The following ADAMTSL1 variants were observed in gnomAD, a reference collection of about 807,000 sequenced individuals.
ADAMTSL1 encodes ADAMTS-like protein 1.
In ADAMTSL1, 126 loss-of-function variants were observed where a neutral mutation model predicts 201.8. The observed-to-expected ratio is 0.62, with a 90% confidence interval of 0.54 to 0.72. The LOEUF is 0.72. Ranked by LOEUF, ADAMTSL1 falls within the 30% of genes least tolerant of loss-of-function variation. ADAMTSL1 has a pLI of 0.00. For missense variants in ADAMTSL1, 2,679 were observed against 2,277.8 expected, an observed-to-expected ratio of 1.18 and a Z score of -3.59; for synonymous variants, 1,121 against 903.4, an observed-to-expected ratio of 1.24 and a Z score of -4.32.
intron 1 of ADAMTSL1, among the ~76,000 whole-genome samples, chr9:17,908,341 C>T (rs1423592208): frequency 6.6e-6 from 1 of 152,192 alleles, no homozygotes; most frequent in Non-Finnish European, 1.5e-5. Flanking sequence ...AGCTGGATTA[C>T]ATCAGAATCC....
intron 23 of ADAMTSL1, among the ~76,000 whole-genome samples, chr9:18,860,133 AT>A (rs977131268): frequency 3.9e-5 from 6 of 152,228 alleles, no homozygotes; most frequent in African/African-American, 1.4e-4. Flanking sequence ...ATGAACATGC[AT>A]TGGTATTTTT....
chr9:18,339,617 T>C (rs1477517951), intron 2 of ADAMTSL1, among the ~76,000 whole-genome samples: 9 of 152,100 alleles, frequency 5.9e-5, no homozygotes, highest in Admixed American at 2.6e-4. Flanking sequence ...CATACCCAAA[T>C]GAATATTTTT....
At chr9:18,399,286 T>TATATATATATATATATATAC (rs1817874349) in intron 2 of ADAMTSL1, among the ~76,000 whole-genome samples, 3 of 62,572 alleles carry the variant, frequency 4.8e-5, no homozygotes, top group Non-Finnish European at 9.2e-5. Flanking sequence ...TTTACATATA[T>TATATATATATATATATATAC]ATATATATAT....
chr9:18,111,081 T>C (rs1247944076), intron 1 of ADAMTSL1, among the ~76,000 whole-genome samples: 1 of 152,146 alleles, frequency 6.6e-6, no homozygotes, highest in African/African-American at 2.4e-5. Flanking sequence ...GAAATGTGTT[T>C]CCTTAAACTT....
intron 7 of ADAMTSL1, among the ~76,000 whole-genome samples, chr9:18,641,492 C>G (rs1827433863): frequency 6.6e-6 from 1 of 152,074 alleles, no homozygotes; most frequent in Non-Finnish European, 1.5e-5. Context: ...GAAGCCAGCA[C>G]TGAAAATCAC....
rs191231421 is a variant in ADAMTSL1, at chr9:18,277,535, T to C, written c.207+113554T>C. Among the ~76,000 whole-genome samples the C allele has an allele frequency of 3.3e-3, 503 of 152,274 alleles. 3 individuals carry two copies. The highest frequency in any genetic ancestry group is 0.011 in the African/African-American group (457 of 41,578). On this transcript the variant is annotated intron_variant, in intron 2 of 29. Coordinates refer to the ADAMTSL1 transcript ENST00000680146. ...TTTATCATTATATAATGACCTTCTA[T>C]GTTGTTTGTGATAGTTTTTAACTTA...
rs1039846976 is a variant in ADAMTSL1, at chr9:17,960,665, C to A, written c.87+53743C>A. Among the ~76,000 whole-genome samples the A allele has an allele frequency of 5.3e-5, 8 of 152,160 alleles. No homozygotes were observed. The South Asian group carries it at 8.3e-4, about 16-fold the overall frequency. On this transcript the variant is annotated intron_variant, in intron 1 of 29. Transcript: ENST00000680146. ...TGTCTTTTTCCTTAATGTCTAATAGCCCAGTGGGCAAGAAAGATGTTCTTT... is the reference window on the plus strand; with the variant it reads ...TGTCTTTTTCCTTAATGTCTAATAGACCAGTGGGCAAGAAAGATGTTCTTT...
intron 23 of ADAMTSL1, among the ~76,000 whole-genome samples, chr9:18,846,627 A>G (rs1826134491): frequency 6.6e-6 from 1 of 152,176 alleles, no homozygotes; most frequent in Admixed American, 6.5e-5. Context: ...CGTTTTTAAA[A>G]GCTTATTCTG....
intron 2 of ADAMTSL1, among the ~76,000 whole-genome samples, chr9:18,221,192 T>A (rs1181764252): frequency 6.6e-6 from 1 of 152,176 alleles, no homozygotes; most frequent in Non-Finnish European, 1.5e-5. Context: ...CACTGTTTAG[T>A]TTTTTGGTTT....
chr9:18,646,957 A>C (rs1187030625), intron 7 of ADAMTSL1, among the ~76,000 whole-genome samples: 2 of 152,172 alleles, frequency 1.3e-5, no homozygotes, highest in African/African-American at 2.4e-5. Context: ...TAGTTTCAGA[A>C]GGAATGGTAC....
In ADAMTSL1 at chr9:18,574,115, G is replaced by T; in HGVS notation, c.323G>T (p.Trp108Leu). ...DVKHHGQFYE[W>L]LPVSNDPDNP... ...AAGCACCATGGCCAGTTTTATGAAT[G>T]GCTTCCTGTGTCTAATGACCCTGAC... Residue 108 changes from tryptophan (W) to leucine (L), a missense_variant, in exon 4 of 29, where the codon TGG (tryptophan) becomes TTG (leucine). Physicochemically the swap from Trp to Leu is moderately conservative, Grantham distance 61. Transcript: ENST00000380548. The T allele has an allele frequency of 6.2e-7, 1 of 1,614,058 alleles. No individual in the cohort carries two copies.
intron 2 of ADAMTSL1, among the ~76,000 whole-genome samples, chr9:18,389,593 C>G (rs1001141898): frequency 4.6e-5 from 7 of 152,060 alleles, no homozygotes; most frequent in Non-Finnish European, 8.8e-5. Context: ...TGTCATAGAT[C>G]CTAAGTGTGG....
intron 2 of ADAMTSL1, among the ~76,000 whole-genome samples, chr9:18,225,875 AC>A (rs1380163183): frequency 1.3e-5 from 2 of 152,150 alleles, no homozygotes; most frequent in African/African-American, 4.8e-5. Context: ...TATTAAAATA[AC>A]AAAAGTCTTT....
intron 8 of ADAMTSL1, among the ~76,000 whole-genome samples, chr9:18,658,375 A>G (rs1386763000): frequency 6.6e-6 from 1 of 152,202 alleles, no homozygotes; most frequent in Non-Finnish European, 1.5e-5. Context: ...AGGTCCATTC[A>G]CTTACATATA....
chr9:18,214,690 C>T (rs1829999684), intron 2 of ADAMTSL1, among the ~76,000 whole-genome samples: 1 of 152,054 alleles, frequency 6.6e-6, no homozygotes, highest in Admixed American at 6.6e-5. Flanking sequence ...ATAATGTTTA[C>T]AAAAGTTTTA....
intron 3 of ADAMTSL1, among the ~76,000 whole-genome samples, chr9:18,563,341 G>T (rs1227139871): frequency 6.6e-6 from 1 of 152,188 alleles, no homozygotes; most frequent in African/African-American, 2.4e-5. Context: ...GGCAGCGGAG[G>T]CTACAGAACA....
rs374370483 is a variant in ADAMTSL1, at chr9:18,865,643, A to G, written c.4250-22188A>G. Among the ~76,000 whole-genome samples, 14 of 152,302 alleles carry G rather than the reference A, an allele frequency of 9.2e-5. 1 individual carries two copies. Among genetic ancestry groups the G allele is most frequent in the Admixed American group, 7.2e-4 (11 of 15,304 alleles). On this transcript the variant is annotated intron_variant, in intron 23 of 28. Transcript: ENST00000380548. ...TGAAACTAGGGAGAGGAAATCTTAC[A>G]CATATGTGAATCACACCTGGCTTTG...
chr9:18,599,595 C>T (rs1209752775), intron 4 of ADAMTSL1, among the ~76,000 whole-genome samples: 1 of 152,098 alleles, frequency 6.6e-6, no homozygotes, highest in Non-Finnish European at 1.5e-5. Context: ...GTAGTAGTCT[C>T]CAAGTTTCTC....
intron 2 of ADAMTSL1, among the ~76,000 whole-genome samples, chr9:18,314,676 G>A (rs988897034): frequency 6.6e-6 from 1 of 150,926 alleles, no homozygotes; most frequent in African/African-American, 2.4e-5. Context: ...CATGCGGACC[G>A]AAAGAGTGAG....
Sources: gnomAD v4.1 joint callset for allele counts (sites outside exome capture counted in the v4.1 genomes callset) on GRCh38, gnomAD v4.1.1 for gene constraint, MANE v1.5 for transcripts, NCBI Gene and HGNC (gene_info 2026-07-23, HGNC 2026-07-21) for gene names.